MYDGF: variants seen among roughly 807,000 people sequenced by gnomAD.
MYDGF encodes myeloid-derived growth factor.
MYDGF carries 29 observed loss-of-function variants against 24.2 expected under a neutral mutation model. The observed-to-expected ratio is 1.20, with a 90% CI of 0.89 to 1.63. The LOEUF (loss-of-function observed/expected upper bound fraction) is 1.63. MYDGF is among the 40% of genes most tolerant of loss of function. MYDGF has a pLI of 0.00. For missense variants in MYDGF, 245 were observed against 234.8 expected (o/e 1.04, Z -0.29); for synonymous variants, 105 against 102.5 (o/e 1.02, Z -0.15).
chr19:4,661,941 G>A (rs1199173051), intron 3 of MYDGF, among the ~76,000 whole-genome samples: 1 of 152,158 alleles, frequency 6.6e-6, no homozygotes, highest in African/African-American at 2.4e-5. Flanking sequence ...GCACTCAGGG[G>A]TCCATGCAGG....
chr19:4,661,124 A>T (rs137927452), intron 3 of MYDGF, among the ~76,000 whole-genome samples: 2 of 151,912 alleles, frequency 1.3e-5, no homozygotes, highest in East Asian at 3.9e-4. Context: ...CCGCGACCAC[A>T]TCTGACTAAT....
rs2088433965 is a variant in MYDGF, at chr19:4,657,758, TC to T, written c.*246del. 2.6e-6 allele frequency: 1 copy of T among 381,952 alleles called. No homozygotes were observed. The highest frequency in any genetic ancestry group is 2.0e-5 in the African/African-American group (1 of 49,210). 23.7% of individuals were successfully genotyped at this position (381,952 alleles called of 1,614,324 possible). A position where few individuals can be genotyped will look rare whatever the true frequency, so the allele number is the denominator to read the frequency against. On this transcript the variant is annotated 3_prime_UTR_variant, in exon 6 of 6. Coordinates refer to ENST00000262947, the MANE Select transcript of MYDGF (RefSeq NM_019107.4). ...TGTGCCCCGGATCTGCGATCCTGAG[TC>T]CAGAAGAGCTCAGCAGGAAGTGGGA...
chr19:4,659,666 T>TA (rs2088454200), intron 5 of MYDGF: 1 of 515,152 alleles, frequency 1.9e-6, no homozygotes. Flanking sequence ...CCAGCTAAGA[T>TA]AAAGTTCTAG....
intron 2 of MYDGF, among the ~76,000 whole-genome samples, chr19:4,668,292 C>T (rs1192644854): frequency 6.6e-6 from 1 of 152,200 alleles, no homozygotes; most frequent in East Asian, 1.9e-4. Context: ...AGCCCCTAAG[C>T]TGTGATAACT....
In MYDGF at chr19:4,664,938, C is replaced by T. The variant is rs534798448; in HGVS notation, c.226-1G>A. 2 of 1,612,678 alleles carry T rather than the reference C, an allele frequency of 1.2e-6. No individual in the cohort carries two copies. Among genetic ancestry groups the T allele is most frequent in the South Asian group, 2.2e-5 (2 of 90,936 alleles). Reference sequence around the variant, plus strand: ...TGGTCCCCAGACTCATCTGCCATTGCTGGGGAGAGAAGACAGCGCGGGTCA... The same window carrying T: ...TGGTCCCCAGACTCATCTGCCATTGTTGGGGAGAGAAGACAGCGCGGGTCA... On this transcript the variant is annotated splice_acceptor_variant, in intron 2 of 5. Transcript: ENST00000262947. LOFTEE classifies it high-confidence loss of function.
chr19:4,665,744 C>G (rs540007529), intron 2 of MYDGF, among the ~76,000 whole-genome samples: 1 of 145,040 alleles, frequency 6.9e-6, no homozygotes, highest in East Asian at 2.0e-4. Flanking sequence ...TGGCGTGTAC[C>G]CGGGAGGCGG....
intron 1 of MYDGF, among the ~76,000 whole-genome samples, chr19:4,669,703 G>C (rs1287031207): frequency 1.3e-5 from 2 of 152,230 alleles, no homozygotes; most frequent in East Asian, 3.9e-4. Context: ...TGAGGGCCCG[G>C]CCTCACACCC....
intron 2 of MYDGF, among the ~76,000 whole-genome samples, chr19:4,667,174 G>A (rs2088528589): frequency 1.4e-5 from 2 of 144,620 alleles, no homozygotes; most frequent in Admixed American, 1.4e-4. Context: ...TGTCGCCCAG[G>A]ATGGAGTGCA....
rs766836240 is a variant in MYDGF, at chr19:4,670,219, G to T, written c.116C>A (p.Ala39Glu). 25 of 1,563,230 alleles carry T rather than the reference G, an allele frequency of 1.6e-5. No homozygotes were observed. In the African/African-American group the frequency reaches 3.4e-4, roughly 21 times the overall value. ...AEAVSEPTTV[A>E]FDVRPGGVVH... is the part of the protein sequence containing the mutation. ...GACGCCGCCGGGCCGCACGTCAAAC[G>T]CCACCGTCGTGGGCTCGGACACCGC... The change falls in exon 1 of 6, where the codon GCG becomes GAG. Residue 39 changes from alanine (A) to glutamate (E), a missense_variant. By Grantham distance (107) the Ala-to-Glu change is moderately radical (BLOSUM62 -1). Coordinates refer to ENST00000262947, the MANE Select transcript of MYDGF (RefSeq NM_019107.4).
chr19:4,660,785 G>C (rs775181703), intron 3 of MYDGF, 35 bp from the exon 4 acceptor site: 12 of 1,590,036 alleles, frequency 7.5e-6, no homozygotes, highest in Middle Eastern at 1.7e-4. Context: ...AGTCAGGCCA[G>C]GCCTGCTGGG....
intron 3 of MYDGF, among the ~76,000 whole-genome samples, chr19:4,663,862 C>A (rs2088500349): frequency 1.3e-5 from 2 of 148,308 alleles, no homozygotes; most frequent in African/African-American, 5.1e-5. Context: ...AATCTGCGCC[C>A]CACCCCCAAC....
At chr19:4,665,720 C>A (rs1045436517) in intron 2 of MYDGF, among the ~76,000 whole-genome samples, 1 of 146,406 alleles carries the variant, frequency 6.8e-6, no homozygotes, top group Non-Finnish European at 1.5e-5. Flanking sequence ...ACTCGGGAGG[C>A]TAAGGCAGGA....
intron 4 of MYDGF, among the ~76,000 whole-genome samples, chr19:4,660,295 T>C (rs922219703): frequency 6.6e-6 from 1 of 152,110 alleles, no homozygotes; most frequent in East Asian, 1.9e-4. Context: ...CTGGCTATTT[T>C]TTTTTTACTT....
chr19:4,660,773 G>A (rs530848456), intron 3 of MYDGF, 23 bp from the exon 4 acceptor site: 1 of 1,607,306 alleles, frequency 6.2e-7, no homozygotes, highest in South Asian at 1.1e-5. Flanking sequence ...AGGGGGCGAG[G>A]GAGTCAGGCC....
intron 3 of MYDGF, among the ~76,000 whole-genome samples, chr19:4,662,472 C>T (rs928956539): frequency 8.5e-5 from 13 of 152,174 alleles, no homozygotes; most frequent in African/African-American, 2.2e-4. Flanking sequence ...TTGCCCAGAT[C>T]GAGCTGGGAT....
intron 5 of MYDGF, among the ~76,000 whole-genome samples, chr19:4,659,026 C>G (rs907667393): frequency 6.6e-6 from 1 of 151,938 alleles, no homozygotes; most frequent in Non-Finnish European, 1.5e-5. Context: ...TGGTCTGGAA[C>G]TCCTGGCCTC....
chr19:4,665,026 A>C, intron 2 of MYDGF, 89 bp from the exon 3 acceptor site: 1 of 1,408,318 alleles, frequency 7.1e-7, no homozygotes, highest in Non-Finnish European at 9.8e-7. Context: ...CAGTCAGGCC[A>C]CCTCTTCTGT....
At chr19:4,669,644 A>G (rs2088547863) in intron 1 of MYDGF, among the ~76,000 whole-genome samples, 1 of 152,208 alleles carries the variant, frequency 6.6e-6, no homozygotes, top group African/African-American at 2.4e-5. Context: ...AGGCGGGGAA[A>G]GGGAGGCTGA....
chr19:4,668,646 C>G lies in MYDGF; in HGVS notation c.175-1G>C. 6.2e-7 allele frequency: 1 copy of G among 1,612,064 alleles called. No individual in the cohort carries two copies. Among genetic ancestry groups the G allele is most frequent in the Non-Finnish European group, 8.5e-7 (1 of 1,178,820 alleles). On this transcript the variant is annotated splice_acceptor_variant, in intron 1 of 5. Transcript: ENST00000262947. LOFTEE classifies it high-confidence loss of function. Reference sequence around the variant, plus strand: ...AAGTGAACATACACGTATATTTGTCCTAGAGAATGGAAGGAAAAAAAAGGT... The same window carrying G: ...AAGTGAACATACACGTATATTTGTCGTAGAGAATGGAAGGAAAAAAAAGGT...
Sources: allele counts gnomAD v4.1 joint callset (sites outside exome capture counted in the v4.1 genomes callset), GRCh38; gene constraint gnomAD v4.1.1; transcripts MANE v1.5; gene names NCBI Gene and HGNC (gene_info 2026-07-23, HGNC 2026-07-21).